ARFIP1: variants seen among roughly 807,000 people sequenced by gnomAD.
ARFIP1 encodes arfaptin-1.
A neutral mutation model predicts 42.5 loss-of-function variants in ARFIP1; 24 were observed. That is an observed-to-expected ratio of 0.57 (90% CI 0.41 to 0.80). The LOEUF is 0.80. Among genes scored for constraint, ARFIP1 ranks in the 30% least tolerant of loss-of-function variants. The probability of loss-of-function intolerance (pLI) is 0.00; values close to 1 mark genes in which losing one functional copy is unlikely to be tolerated. For missense variants in ARFIP1, 354 were observed against 434.0 expected (o/e 0.82, Z 1.64); for synonymous variants, 141 against 153.7 (o/e 0.92, Z 0.61).
At chr4:152,839,113 G>A (rs1408996866) in intron 2 of ARFIP1, among the ~76,000 whole-genome samples, 1 of 152,066 alleles carries the variant, frequency 6.6e-6, no homozygotes, top group African/African-American at 2.4e-5. Context: ...AACCACCCCT[G>A]CATCTCTGGT....
At chr4:152,798,876 A>G (rs1383182832) in intron 1 of ARFIP1, among the ~76,000 whole-genome samples, 2 of 152,248 alleles carry the variant, frequency 1.3e-5, no homozygotes, top group African/African-American at 4.8e-5. Context: ...GAAATAGCAC[A>G]TTAAACTTTT....
At chr4:152,845,015 T>C (rs979961227) in intron 2 of ARFIP1, among the ~76,000 whole-genome samples, 3 of 152,150 alleles carry the variant, frequency 2.0e-5, no homozygotes, top group African/African-American at 7.2e-5. Context: ...AACAGGCACA[T>C]TGACCAATGA....
chr4:152,810,509 A>G (rs1331150105), intron 1 of ARFIP1: 2 of 151,978 alleles, frequency 1.3e-5, no homozygotes, highest in African/African-American at 4.8e-5. Context: ...ATCTCTTTCT[A>G]CTATACGATG....
At chr4:152,907,562 T>C (rs561960245) in intron 8 of ARFIP1, among the ~76,000 whole-genome samples, 3 of 152,212 alleles carry the variant, frequency 2.0e-5, no homozygotes, top group Non-Finnish European at 4.4e-5. Flanking sequence ...TGGTTTTCTT[T>C]ATAGTTTTGC....
intron 8 of ARFIP1, among the ~76,000 whole-genome samples, chr4:152,900,931 C>T (rs1367496537): frequency 2.6e-5 from 4 of 152,172 alleles, no homozygotes; most frequent in African/African-American, 9.6e-5. Context: ...ATTGGGAAAG[C>T]CAGTAACTGC....
At chr4:152,809,034 A>G (rs1419982582) in intron 1 of ARFIP1, among the ~76,000 whole-genome samples, 2 of 152,184 alleles carry the variant, frequency 1.3e-5, no homozygotes, top group African/African-American at 4.8e-5. Context: ...CCTGGGCGAC[A>G]GAGGAAGACC....
At chr4:152,807,993 T>G (rs943151217) in intron 1 of ARFIP1, among the ~76,000 whole-genome samples, 20 of 152,194 alleles carry the variant, frequency 1.3e-4, no homozygotes, top group African/African-American at 4.8e-4. Context: ...TCCATTTTTT[T>G]TTTTAAGACA....
At chr4:152,795,420 A>G (rs1189323166) in intron 1 of ARFIP1, among the ~76,000 whole-genome samples, 3 of 152,132 alleles carry the variant, frequency 2.0e-5, no homozygotes, top group Non-Finnish European at 4.4e-5. Context: ...CCTATGTGCC[A>G]TATTCCTACC....
intron 5 of ARFIP1, among the ~76,000 whole-genome samples, chr4:152,872,982 G>A (rs1578981248): frequency 6.6e-6 from 1 of 152,256 alleles, no homozygotes; most frequent in African/African-American, 2.4e-5. Context: ...AACTATATGG[G>A]CAACACCAGA....
At chr4:152,866,763 T>G (rs1439453021) in intron 3 of ARFIP1, among the ~76,000 whole-genome samples, 3 of 137,238 alleles carry the variant, frequency 2.2e-5, no homozygotes, top group Non-Finnish European at 3.1e-5. Context: ...GGGCGGAGGG[T>G]CTCCTCACTT....
At chr4:152,866,958 C>T (rs1734439240) in intron 3 of ARFIP1, among the ~76,000 whole-genome samples, 1 of 151,326 alleles carries the variant, frequency 6.6e-6, no homozygotes, top group African/African-American at 2.4e-5. Flanking sequence ...AAGAGGCGCT[C>T]CTCACTTCCT....
intron 8 of ARFIP1, among the ~76,000 whole-genome samples, chr4:152,909,556 G>C (rs896234290): frequency 3.3e-5 from 5 of 152,158 alleles, no homozygotes; most frequent in Non-Finnish European, 4.4e-5. Context: ...AGAGTCATAT[G>C]AGCGTTAAGT....
chr4:152,909,455 ATTTC>A, intron 8 of ARFIP1, among the ~76,000 whole-genome samples: 1 of 152,304 alleles, frequency 6.6e-6, no homozygotes, highest in South Asian at 2.1e-4. Context: ...TGCATTGTTT[ATTTC>A]TTTAAGAAAG....
At chr4:152,838,815 T>C (rs1238894681) in intron 2 of ARFIP1, among the ~76,000 whole-genome samples, 1 of 152,178 alleles carries the variant, frequency 6.6e-6, no homozygotes, top group Non-Finnish European at 1.5e-5. Context: ...TCCAGTACTA[T>C]GTTGAAGAGG....
rs147580000 is a variant in ARFIP1 at position 152,895,908 on chromosome 4, G to T, written c.966+7601G>T. Among the ~76,000 whole-genome samples the T allele has an allele frequency of 7.2e-4, 110 of 152,188 alleles. 2 individuals are homozygous for T. The East Asian group carries it at 0.018, about 25-fold the overall frequency. On this transcript the variant is annotated intron_variant, in intron 8 of 8. Coordinates refer to ENST00000353617, the MANE Select transcript of ARFIP1 (RefSeq NM_001025595.3). ...CCAGTCACTGAGTTAGGTGATAGAG[G>T]TATAATGGTCTTACACTCATAGAGC...
intron 2 of ARFIP1, among the ~76,000 whole-genome samples, chr4:152,847,124 C>CTTTTTTTTTTTGTTTTTTTTT (rs1732604396): frequency 2.5e-5 from 1 of 40,584 alleles, no homozygotes; most frequent in African/African-American, 9.6e-5. Context: ...TAGGTTTGTT[C>CTTTTTTTTTTTGTTTTTTTTT]TTTTTTTTTT....
intron 2 of ARFIP1, among the ~76,000 whole-genome samples, chr4:152,847,425 A>T (rs1165473936): frequency 6.6e-6 from 1 of 151,578 alleles, no homozygotes; most frequent in East Asian, 1.9e-4. Context: ...GAGCCACTGC[A>T]CCCGGTGTCT....
intron 2 of ARFIP1, among the ~76,000 whole-genome samples, chr4:152,847,087 A>T (rs1183340865): frequency 8.1e-6 from 1 of 124,028 alleles, no homozygotes; most frequent in South Asian, 2.6e-4. Context: ...CCAGCAGTTT[A>T]GTCATTGCCT....
intron 1 of ARFIP1, among the ~76,000 whole-genome samples, chr4:152,814,446 A>G (rs1407251586): frequency 1.3e-5 from 2 of 152,134 alleles, no homozygotes; most frequent in Non-Finnish European, 2.9e-5. Context: ...GCATTGGTTC[A>G]TGCCTGTAAT....
Sources: gnomAD v4.1 joint callset for allele counts (sites outside exome capture counted in the v4.1 genomes callset) on GRCh38, gnomAD v4.1.1 for gene constraint, MANE v1.5 for transcripts, NCBI Gene and HGNC (gene_info 2026-07-23, HGNC 2026-07-21) for gene names.